Variants in RHOBTB1 observed in about 807,000 individuals in gnomAD.
RHOBTB1 encodes rho-related BTB domain-containing protein 1.
Under a neutral mutation model 71.6 loss-of-function variants are expected in RHOBTB1, and 40 were observed. The ratio of observed to expected loss-of-function variants is 0.56; its 90% CI spans 0.43 to 0.73. The LOEUF is 0.73. Ranked by LOEUF, RHOBTB1 falls within the 30% of genes least tolerant of loss-of-function variation. The pLI, the probability that RHOBTB1 is intolerant of heterozygous loss-of-function variation, is 0.00. For synonymous variants in RHOBTB1, 319 were observed against 334.9 expected, an observed-to-expected ratio of 0.95 and a Z score of 0.52; for missense variants, 797 against 894.0, an observed-to-expected ratio of 0.89 and a Z score of 1.38.
chr10:60,890,538 C>G (rs1589207344), intron 5 of RHOBTB1, among the ~76,000 whole-genome samples: 1 of 152,070 alleles, frequency 6.6e-6, no homozygotes, highest in Non-Finnish European at 1.5e-5. Flanking sequence ...ATAACCATGG[C>G]AAAGGCATAG....
At chr10:60,984,432 C>T (rs1377348514) in intron 2 of RHOBTB1, among the ~76,000 whole-genome samples, 2 of 152,156 alleles carry the variant, frequency 1.3e-5, no homozygotes, top group Admixed American at 6.5e-5. Context: ...AAGACTACAG[C>T]CTTAATGAGA....
At chr10:60,986,833 C>A (rs79191323) in intron 1 of RHOBTB1, among the ~76,000 whole-genome samples, 3,727 of 152,112 alleles carry the variant, frequency 0.025, 58 homozygotes, top group Middle Eastern at 0.058. Context: ...AATACAAAAC[C>A]AATAACTCCC....
chr10:60,873,190 T>G (rs1267429750), intron 9 of RHOBTB1, among the ~76,000 whole-genome samples: 1 of 152,228 alleles, frequency 6.6e-6, no homozygotes, highest in African/African-American at 2.4e-5. Context: ...CTCTTGCTGT[T>G]AGATTTCTCT....
At chr10:60,982,409 G>A (rs1407124010) in intron 2 of RHOBTB1, among the ~76,000 whole-genome samples, 1 of 152,134 alleles carries the variant, frequency 6.6e-6, no homozygotes, top group African/African-American at 2.4e-5. Context: ...ATTTTTGAGG[G>A]TGTATTGTGT....
intron 8 of RHOBTB1, 144 bp downstream of exon 8, chr10:60,877,764 T>G (rs112883588): frequency 1.2e-6 from 1 of 811,374 alleles, no homozygotes; most frequent in African/African-American, 1.8e-5. Context: ...TGATGCAATT[T>G]GATTAATTCA....
chr10:60,968,274 G>A (rs1439069006), intron 2 of RHOBTB1, among the ~76,000 whole-genome samples: 1 of 152,142 alleles, frequency 6.6e-6, no homozygotes, highest in Non-Finnish European at 1.5e-5. Context: ...TGGAAGGGTG[G>A]TAAGTGGGCG....
intron 6 of RHOBTB1, among the ~76,000 whole-genome samples, chr10:60,886,869 T>C (rs1219817128): frequency 6.6e-6 from 1 of 151,776 alleles, no homozygotes; most frequent in East Asian, 1.9e-4. Flanking sequence ...ATTTTGTGTA[T>C]GTGTATAGAC....
chr10:60,994,653 A>G (rs528268243), intron 1 of RHOBTB1, among the ~76,000 whole-genome samples: 4 of 152,306 alleles, frequency 2.6e-5, no homozygotes, highest in African/African-American at 9.6e-5. Flanking sequence ...GCATTTTATT[A>G]TACATTAAAT....
chr10:60,993,369 T>C (rs1204463803), intron 1 of RHOBTB1, among the ~76,000 whole-genome samples: 1 of 152,204 alleles, frequency 6.6e-6, no homozygotes. Flanking sequence ...ACCAGAAATA[T>C]ATCTCTTTAT....
At chr10:60,980,958 T>G (rs1219739108) in intron 2 of RHOBTB1, among the ~76,000 whole-genome samples, 1 of 152,222 alleles carries the variant, frequency 6.6e-6, no homozygotes, top group Non-Finnish European at 1.5e-5. Flanking sequence ...AGGTGGCTAA[T>G]TAAAAAGTGG....
At chr10:60,866,536 A>G (rs1317688509), downstream of RHOBTB1, among the ~76,000 whole-genome samples, 1 of 152,202 alleles carries the variant, frequency 6.6e-6, no homozygotes, top group Admixed American at 6.5e-5. Context: ...CAATGTGACA[A>G]GCACTGAGAA....
intron 2 of RHOBTB1, among the ~76,000 whole-genome samples, chr10:60,967,797 G>T (rs535104759): frequency 6.6e-6 from 1 of 152,118 alleles, no homozygotes; most frequent in Admixed American, 6.5e-5. Context: ...TCTATATTTT[G>T]ATTAATCCAA....
rs138461650 is a variant in RHOBTB1 at position 60,977,692 on chromosome 10, C to T, written c.-62+8153G>A. On this transcript the variant is annotated intron_variant, in intron 2 of 11. Transcript: ENST00000357917. ...CATTTTATAGAAGGACCATTTCTCA[C>T]CCACATGAACCAAGGTGGTGAAAAA... Among the ~76,000 whole-genome samples, 767 of 152,198 alleles carry T rather than the reference C, an allele frequency of 5.0e-3. 6 individuals are homozygous for T. Among genetic ancestry groups the T allele is most frequent in the Non-Finnish European group, 8.3e-3 (566 of 67,998 alleles).
intron 1 of RHOBTB1, among the ~76,000 whole-genome samples, chr10:60,943,142 G>C (rs531853287): frequency 7.3e-4 from 111 of 152,330 alleles, no homozygotes; most frequent in African/African-American, 2.5e-3. Context: ...GGCACAGCTT[G>C]TGTGCTAACG....
intron 2 of RHOBTB1, among the ~76,000 whole-genome samples, chr10:60,973,363 A>G (rs984207501): frequency 6.6e-6 from 1 of 152,110 alleles, no homozygotes; most frequent in Non-Finnish European, 1.5e-5. Flanking sequence ...TCTACATTCA[A>G]AACAGCATCC....
chr10:60,895,471 C>T (rs905063872), intron 4 of RHOBTB1, among the ~76,000 whole-genome samples: 2 of 152,220 alleles, frequency 1.3e-5, no homozygotes, highest in Non-Finnish European at 2.9e-5. Context: ...CTGGCATGAT[C>T]TCAGCTCACC....
At chr10:60,893,947 A>C (rs1336133746) in intron 4 of RHOBTB1, among the ~76,000 whole-genome samples, 1 of 152,230 alleles carries the variant, frequency 6.6e-6, no homozygotes, top group Non-Finnish European at 1.5e-5. Context: ...AAAAGGATAC[A>C]AAGAATAAGA....
At chr10:60,919,382 A>G (rs2133674446) in intron 2 of RHOBTB1, among the ~76,000 whole-genome samples, 1 of 152,356 alleles carries the variant, frequency 6.6e-6, no homozygotes, top group South Asian at 2.1e-4. Context: ...CCAACAGCCA[A>G]GTTTCGATTG....
At chr10:60,979,604 T>G (rs1294905688) in intron 2 of RHOBTB1, among the ~76,000 whole-genome samples, 1 of 152,016 alleles carries the variant, frequency 6.6e-6, no homozygotes, top group Non-Finnish European at 1.5e-5. Flanking sequence ...GGCACTGGAG[T>G]ACATGGTTGG....
Sources: allele counts gnomAD v4.1 joint callset (sites outside exome capture counted in the v4.1 genomes callset), GRCh38; gene constraint gnomAD v4.1.1; transcripts MANE v1.5; gene names NCBI Gene and HGNC (gene_info 2026-07-23, HGNC 2026-07-21).